The following IQCH variants were observed in gnomAD, a reference collection of about 807,000 sequenced individuals.
The protein encoded by IQCH is IQ motif containing H, also known as IQ domain-containing protein H.
IQCH carries 98 observed loss-of-function variants against 117.0 expected under a neutral mutation model. The observed-to-expected ratio is 0.84, with a 90% confidence interval of 0.71 to 0.99. The LOEUF (loss-of-function observed/expected upper bound fraction) is 0.99, where lower values mean the gene tolerates loss of function less well. IQCH is among the 50% of genes least tolerant of loss of function. The pLI is 0.00. For synonymous variants in IQCH, 412 were observed against 448.2 expected (o/e 0.92, Z 1.02); for missense variants, 1,102 against 1,243.8 (o/e 0.89, Z 1.72).
rs929008988 is a variant in IQCH, at chr15:67,447,375, C to A, written c.2506-17752C>A. ...GATGTCCTATTAGCCTGACAGGGTGCTGAATCTTTCCTACAAACACGAGTC... is the reference window on the plus strand; with the variant it reads ...GATGTCCTATTAGCCTGACAGGGTGATGAATCTTTCCTACAAACACGAGTC... On this transcript the variant is annotated intron_variant, in intron 16 of 20. Transcript: ENST00000335894. The surrounding 1 kb of genome is among the most constrained non-coding windows in gnomAD (Gnocchi z 5.3). 6.6e-6 allele frequency among the ~76,000 whole-genome samples: 1 copy of A among 152,160 alleles called. No homozygotes were observed. Among genetic ancestry groups the A allele is most frequent in the Non-Finnish European group, 1.5e-5 (1 of 68,028 alleles).
intron 4 of IQCH, among the ~76,000 whole-genome samples, chr15:67,296,054 TTTA>T (rs995253884): frequency 3.3e-5 from 5 of 152,188 alleles, no homozygotes; most frequent in African/African-American, 1.2e-4. Flanking sequence ...TGAAATTAAT[TTTA>T]TATCTGTTTA....
chr15:67,421,769 G>A (rs559420186), intron 16 of IQCH, among the ~76,000 whole-genome samples, 192 bp downstream of exon 16: 29 of 152,262 alleles, frequency 1.9e-4, no homozygotes, highest in Middle Eastern at 6.8e-3. Context: ...GGAAATACAG[G>A]GCCAGGGTTG....
Position 67,329,821 on chromosome 15 carries a change from TACACAC to T in IQCH, c.388-7134_388-7129del, listed in dbSNP as rs35445898. On this transcript the variant is annotated intron_variant, in intron 4 of 20. Coordinates refer to ENST00000335894, the MANE Select transcript of IQCH (RefSeq NM_001031715.3). ...AAATAATTCAAATTTGAGTGAATTA[TACACAC>T]ACACACACACACACACACATATACA... 2.8e-3 allele frequency among the ~76,000 whole-genome samples: 410 copies of T among 148,952 alleles called. 2 individuals are homozygous for T. The highest frequency in any genetic ancestry group is 9.6e-3 in the African/African-American group (389 of 40,660).
At position 67,391,074 on chromosome 15, in the gene IQCH, T is replaced by G. The variant is rs932979795; in HGVS notation, c.1632+2068T>G. 2.6e-5 allele frequency among the ~76,000 whole-genome samples: 4 copies of G among 152,188 alleles called. No homozygotes were observed. The highest frequency in any genetic ancestry group is 9.7e-5 in the African/African-American group (4 of 41,442). ...TGGATTAGATCATTTCAGAGTCATC[T>G]TCAACTCTATCATCCTATTACCTGA... On this transcript the variant is annotated intron_variant, in intron 12 of 20. Coordinates refer to ENST00000335894, the MANE Select transcript of IQCH (RefSeq NM_001031715.3). The surrounding 1 kb of genome is among the most constrained non-coding windows in gnomAD (Gnocchi z 4.3).
rs374082065 is a variant in IQCH, at chr15:67,416,111, G to A, written c.2098-820G>A. Among the ~76,000 whole-genome samples, 68 of 152,166 alleles carry A rather than the reference G, an allele frequency of 4.5e-4. No individual in the cohort carries two copies. In the South Asian group the frequency reaches 0.011, roughly 25 times the overall value. On this transcript the variant is annotated intron_variant, in intron 14 of 20. Coordinates refer to ENST00000335894, the MANE Select transcript of IQCH (RefSeq NM_001031715.3). The surrounding 1 kb of genome is among the most constrained non-coding windows in gnomAD (Gnocchi z 5.1). Reference sequence around the variant, plus strand: ...AAAATATATGGAGGTGTCCAGGTGCGGTGGCTCACACCTGTAATCCCAACA... The same window carrying A: ...AAAATATATGGAGGTGTCCAGGTGCAGTGGCTCACACCTGTAATCCCAACA...
chr15:67,435,601 G>T (rs1348356167), intron 16 of IQCH, among the ~76,000 whole-genome samples: 2 of 151,922 alleles, frequency 1.3e-5, no homozygotes, highest in African/African-American at 4.8e-5. Context: ...GGCTGGGTGT[G>T]GTGGCTCACA....
intron 16 of IQCH, among the ~76,000 whole-genome samples, chr15:67,441,892 C>T (rs2082277642): frequency 6.6e-6 from 1 of 152,082 alleles, no homozygotes; most frequent in African/African-American, 2.4e-5. Flanking sequence ...TAGCTGGGAC[C>T]TAATTAAATG....
chr15:67,411,610 C>T lies in IQCH; in HGVS notation c.2098-5321C>T, dbSNP rs568033346. Among the ~76,000 whole-genome samples, 1 of 151,828 alleles carries T rather than the reference C, an allele frequency of 6.6e-6. No homozygotes were observed. The highest frequency in any genetic ancestry group is 6.5e-5 in the Admixed American group (1 of 15,302). On this transcript the variant is annotated intron_variant, in intron 14 of 20. Transcript: ENST00000335894. The surrounding 1 kb of genome is among the most constrained non-coding windows in gnomAD (Gnocchi z 4.4). ...CACCACTGCAGATTGGCACATGACCCAATTACACCAATGTGTGTCTGTATG... is the reference window on the plus strand; with the variant it reads ...CACCACTGCAGATTGGCACATGACCTAATTACACCAATGTGTGTCTGTATG...
intron 16 of IQCH, among the ~76,000 whole-genome samples, chr15:67,429,493 G>A (rs1220926196): frequency 6.6e-6 from 1 of 152,170 alleles, no homozygotes; most frequent in Non-Finnish European, 1.5e-5. Context: ...ACTCCAGCTT[G>A]AGCAACAGAA....
Position 67,384,683 on chromosome 15 carries a change from T to C in IQCH, c.1373-253T>C, listed in dbSNP as rs1448147490. ...CTCCATGTTTTGTCATCTTGATTCT[T>C]AGCAGCCTTGTTGGTACTGAAAAAT... On this transcript the variant is annotated intron_variant, in intron 10 of 20. Transcript: ENST00000335894. This position sits in a 1 kb window ranked among gnomAD's most constrained non-coding sequence, Gnocchi z 4.3. Among the ~76,000 whole-genome samples, 1 of 152,164 alleles carries C rather than the reference T, an allele frequency of 6.6e-6. No individual in the cohort carries two copies. The highest frequency in any genetic ancestry group is 1.5e-5 in the Non-Finnish European group (1 of 68,012).
chr15:67,391,714 A>G lies in IQCH; in HGVS notation c.1632+2708A>G, dbSNP rs1451122225. Among the ~76,000 whole-genome samples the G allele has an allele frequency of 1.3e-5, 2 of 152,234 alleles. No individual in the cohort carries two copies. Among genetic ancestry groups the G allele is most frequent in the Non-Finnish European group, 2.9e-5 (2 of 68,042 alleles). On this transcript the variant is annotated intron_variant, in intron 12 of 20. Transcript: ENST00000335894. The surrounding 1 kb of genome is among the most constrained non-coding windows in gnomAD (Gnocchi z 4.3). ...TGATACTGATGTTCTCCAAATGGTC[A>G]TACAAGACCTGTGATTAGTGATACA...
At position 67,262,857 on chromosome 15, in the gene IQCH, G is replaced by A. The variant is rs113587017; in HGVS notation, c.175-265G>A. ...ACATCACTCCACTGCCCTTCAGCCT[G>A]GGCAACAGAGCAAGACCCTACTAAA... On this transcript the variant is annotated intron_variant, in intron 2 of 20. Coordinates refer to ENST00000335894, the MANE Select transcript of IQCH (RefSeq NM_001031715.3). Among the ~76,000 whole-genome samples the A allele has an allele frequency of 7.2e-5, 11 of 152,112 alleles. 2 individuals carry two copies. The highest frequency in any genetic ancestry group is 2.7e-4 in the African/African-American group (11 of 41,476).
chr15:67,285,782 G>A (rs921423968), intron 4 of IQCH, among the ~76,000 whole-genome samples: 3 of 151,974 alleles, frequency 2.0e-5, no homozygotes, highest in Non-Finnish European at 2.9e-5. Context: ...TCTTATTTCT[G>A]GGTTCTCTAT....
chr15:67,392,231 G>A (rs1032798403), intron 12 of IQCH, among the ~76,000 whole-genome samples: 7 of 152,174 alleles, frequency 4.6e-5, no homozygotes, highest in African/African-American at 1.7e-4. Context: ...TACCATGATT[G>A]CTGCCTTGGA....
intron 1 of IQCH, among the ~76,000 whole-genome samples, chr15:67,259,317 C>T (rs1965361447): frequency 6.6e-6 from 1 of 152,204 alleles, no homozygotes; most frequent in African/African-American, 2.4e-5. Context: ...TCATATCTGT[C>T]AGCACCAAAG....
chr15:67,441,415 G>A (rs2082268872), intron 16 of IQCH, among the ~76,000 whole-genome samples: 1 of 152,046 alleles, frequency 6.6e-6, no homozygotes, highest in Non-Finnish European at 1.5e-5. Flanking sequence ...CCAAAAAAGA[G>A]CCCAGATGGC....
At chr15:67,442,757 T>C (rs926147845) in intron 16 of IQCH, among the ~76,000 whole-genome samples, 7 of 151,366 alleles carry the variant, frequency 4.6e-5, no homozygotes, top group Non-Finnish European at 7.4e-5. Context: ...CAATTCACAA[T>C]TGCAAAATCA....
At position 67,436,716 on chromosome 15, in the gene IQCH, T is replaced by C. The variant is rs1158770297; in HGVS notation, c.2505+15139T>C. On this transcript the variant is annotated intron_variant, in intron 16 of 20. Coordinates refer to ENST00000335894, the MANE Select transcript of IQCH (RefSeq NM_001031715.3). The surrounding 1 kb of genome is among the most constrained non-coding windows in gnomAD (Gnocchi z 5.1). ...GACTCGGGGCTGTTGTGGAGAGGCA[T>C]GGTGGGAGTGAGACCGGCCCTTTGG... Among the ~76,000 whole-genome samples the C allele has an allele frequency of 2.0e-5, 3 of 152,208 alleles. No homozygotes were observed. The highest frequency in any genetic ancestry group is 7.2e-5 in the African/African-American group (3 of 41,546).
At chr15:67,327,730 T>TG in intron 4 of IQCH, among the ~76,000 whole-genome samples, 1 of 152,244 alleles carries the variant, frequency 6.6e-6, no homozygotes, top group African/African-American at 2.4e-5. Context: ...CTGAAATCTC[T>TG]GCTCAGCTTT....
Sources: allele counts gnomAD v4.1 joint callset (sites outside exome capture counted in the v4.1 genomes callset), GRCh38; gene constraint gnomAD v4.1.1; non-coding constraint Gnocchi (gnomAD v3.1); transcripts MANE v1.5; gene names NCBI Gene and HGNC (gene_info 2026-07-23, HGNC 2026-07-21).